Variants in TET1 observed in about 807,000 individuals in gnomAD.
TET1 encodes tet methylcytosine dioxygenase 1.
TET1 carries 13 observed loss-of-function variants against 148.7 expected under a neutral mutation model. That is an observed-to-expected ratio of 0.09 (90% confidence interval 0.06 to 0.14). TET1 has a LOEUF of 0.14. Ranked by LOEUF, TET1 falls within the 10% of genes least tolerant of loss-of-function variation. The pLI, the probability that TET1 is intolerant of heterozygous loss-of-function variation, is 1.00. For missense variants in TET1, 2,182 were observed against 2,553.8 expected (o/e 0.85, Z 3.14); for synonymous variants, 907 against 937.2 (o/e 0.97, Z 0.59).
intron 7 of TET1, among the ~76,000 whole-genome samples, chr10:68,668,672 C>T (rs561287838): frequency 4.6e-5 from 7 of 152,244 alleles, no homozygotes; most frequent in African/African-American, 1.2e-4. Context: ...GTCTGCCTCC[C>T]GGGTTCAAGC....
At chr10:68,658,440 CTT>C (rs1342786573) in intron 6 of TET1, among the ~76,000 whole-genome samples, 2 of 152,126 alleles carry the variant, frequency 1.3e-5, no homozygotes, top group African/African-American at 4.8e-5. Flanking sequence ...CGACAGCCCT[CTT>C]GTCTTCTTTG....
At chr10:68,668,976 G>GGA (rs56945020) in intron 7 of TET1, among the ~76,000 whole-genome samples, 61,357 of 148,340 alleles carry the variant, frequency 0.41, 12,720 homozygotes, top group East Asian at 0.51. Flanking sequence ...CATGGCAAAA[G>GGA]GAGAGAGAGA....
At chr10:68,619,372 C>T (rs1206605548) in intron 3 of TET1, among the ~76,000 whole-genome samples, 2 of 152,022 alleles carry the variant, frequency 1.3e-5, no homozygotes, top group Non-Finnish European at 2.9e-5. Flanking sequence ...TGGGAACACA[C>T]ATGCTCACCA....
At chr10:68,617,966 T>A (rs1018245890) in intron 3 of TET1, among the ~76,000 whole-genome samples, 1 of 151,906 alleles carries the variant, frequency 6.6e-6, no homozygotes, top group Non-Finnish European at 1.5e-5. Flanking sequence ...CTGTTGTCCA[T>A]GCTGGTGTGC....
At chr10:68,654,961 T>G (rs2055000448) in intron 6 of TET1, among the ~76,000 whole-genome samples, 2 of 152,158 alleles carry the variant, frequency 1.3e-5, no homozygotes, top group Admixed American at 6.5e-5. Context: ...CTCCTCATCT[T>G]AAATGTTTTC....
intron 2 of TET1, among the ~76,000 whole-genome samples, chr10:68,582,081 G>A (rs997758842): frequency 2.0e-5 from 3 of 150,548 alleles, no homozygotes. Flanking sequence ...TTAAATAGAA[G>A]CATATTAGAT....
At chr10:68,571,596 C>T (rs974580874) in intron 1 of TET1, among the ~76,000 whole-genome samples, 2 of 150,928 alleles carry the variant, frequency 1.3e-5, no homozygotes, top group Non-Finnish European at 1.5e-5. Flanking sequence ...GATGGGGTTT[C>T]ACCATGTTGG....
At chr10:68,594,075 G>A (rs772119805) in intron 2 of TET1, among the ~76,000 whole-genome samples, 2 of 151,380 alleles carry the variant, frequency 1.3e-5, no homozygotes, top group Non-Finnish European at 2.9e-5. Context: ...ACAGGCATGC[G>A]CCACCATGCC....
chr10:68,644,710 A>C lies in TET1; in HGVS notation c.1981A>C (p.Asn661His), dbSNP rs201980026. 41 of 1,565,312 alleles carry C rather than the reference A, an allele frequency of 2.6e-5. No individual in the cohort carries two copies. The East Asian group carries it at 8.8e-4, about 34-fold the overall frequency. Residue 661 changes from asparagine (N) to histidine (H), a missense_variant, in exon 4 of 12, where the codon AAC becomes CAC. Asn to His is a moderately conservative substitution (Grantham distance 68). Around this residue, in one of 11 missense-constraint regions of TET1, gnomAD observed 226 missense variants for 307.4 expected, o/e 0.74. Transcript: ENST00000373644. Reference sequence around the variant, plus strand: ...CTGTATTTTACAGGCAGATTTTGACAACAAACCAGTAAATGGCCCCAAGTC... The same window carrying C: ...CTGTATTTTACAGGCAGATTTTGACCACAAACCAGTAAATGGCCCCAAGTC... The part of the protein sequence containing the change: ...KPKVLKADFD[N>H]KPVNGPKSES...
intron 6 of TET1, among the ~76,000 whole-genome samples, chr10:68,656,245 C>T (rs1029229126): frequency 2.0e-5 from 3 of 152,144 alleles, no homozygotes; most frequent in African/African-American, 4.8e-5. Flanking sequence ...AACCTCTGCC[C>T]CTGGCCCCAC....
Position 68,691,941 on chromosome 10 carries a change from A to G in TET1, c.*127A>G, listed in dbSNP as rs1364973490. On this transcript the variant is annotated 3_prime_UTR_variant, in exon 12 of 12. Transcript: ENST00000373644. The surrounding 1 kb of genome is among the most constrained non-coding windows in gnomAD (Gnocchi z 4.4). ...ATTTCAAGTCTGAGGTAAAAAAATAATAATGATAACAAAACGGGGTGGGTA... is the reference window on the plus strand; with the variant it reads ...ATTTCAAGTCTGAGGTAAAAAAATAGTAATGATAACAAAACGGGGTGGGTA... 3 of 1,171,072 alleles carry G rather than the reference A, an allele frequency of 2.6e-6. No homozygotes were observed. The highest frequency in any genetic ancestry group is 4.8e-5 in the Admixed American group (2 of 41,544). The allele number at this position is 1,171,072 out of a possible 1,614,324, so 72.5% of individuals were successfully genotyped here.
chr10:68,604,552 TG>T (rs1015365524), intron 3 of TET1, among the ~76,000 whole-genome samples: 1 of 151,778 alleles, frequency 6.6e-6, no homozygotes, highest in Non-Finnish European at 1.5e-5. Context: ...AGGAGTCAAG[TG>T]GGGGGTGGGT....
intron 1 of TET1, among the ~76,000 whole-genome samples, chr10:68,567,347 C>G (rs1164879691): frequency 6.6e-6 from 1 of 151,268 alleles, no homozygotes; most frequent in Non-Finnish European, 1.5e-5. Context: ...CCTAGGATTA[C>G]CTAGGTCAGT....
intron 10 of TET1, among the ~76,000 whole-genome samples, chr10:68,683,322 A>T (rs1274532300): frequency 6.6e-6 from 1 of 152,178 alleles, no homozygotes; most frequent in East Asian, 1.9e-4. Flanking sequence ...TCTGTCGCCC[A>T]GGCTAGAGGG....
At chr10:68,566,593 ATGT>A (rs771257013) in intron 1 of TET1, among the ~76,000 whole-genome samples, 3 of 152,118 alleles carry the variant, frequency 2.0e-5, no homozygotes, top group Non-Finnish European at 2.9e-5. Flanking sequence ...ATTTATCAAA[ATGT>A]TATTTTTTGT....
chr10:68,640,144 CT>C (rs1175143324), intron 3 of TET1, among the ~76,000 whole-genome samples: 1 of 151,984 alleles, frequency 6.6e-6, no homozygotes, highest in Non-Finnish European at 1.5e-5. Flanking sequence ...TCAGGCTGGT[CT>C]TGAACTCCTG....
At chr10:68,581,196 G>A (rs2053793433) in intron 2 of TET1, among the ~76,000 whole-genome samples, 2 of 152,168 alleles carry the variant, frequency 1.3e-5, no homozygotes, top group South Asian at 4.1e-4. Context: ...TCTTCTGAGA[G>A]GTATCTTTTG....
rs140364489 is a variant in TET1, at chr10:68,688,254, C to T, written c.5404+1547C>T. On this transcript the variant is annotated intron_variant, in intron 11 of 11. Coordinates refer to ENST00000373644, the MANE Select transcript of TET1 (RefSeq NM_030625.3). ...CTGGGATTACAGGTGCCCGCCACCA[C>T]GCCCAGTTAATTTTTGTATTTTTAG... Among the ~76,000 whole-genome samples the T allele has an allele frequency of 4.8e-3, 726 of 151,766 alleles. 6 individuals are homozygous for T. Among genetic ancestry groups the T allele is most frequent in the African/African-American group, 0.017 (691 of 41,316 alleles).
chr10:68,599,785 T>C (rs568000122), intron 2 of TET1, among the ~76,000 whole-genome samples: 4 of 152,352 alleles, frequency 2.6e-5, no homozygotes, highest in African/African-American at 7.2e-5. Context: ...GTCCCAAAGA[T>C]ATGAGTCCGA....
Sources: allele counts gnomAD v4.1 joint callset (sites outside exome capture counted in the v4.1 genomes callset), GRCh38; gene constraint gnomAD v4.1.1; regional missense constraint gnomAD v4.1.1; non-coding constraint Gnocchi (gnomAD v3.1); transcripts MANE v1.5; gene names NCBI Gene and HGNC (gene_info 2026-07-23, HGNC 2026-07-21).